LAMA2: variants seen among roughly 807,000 people sequenced by gnomAD.
LAMA2 encodes the protein laminin subunit alpha-2.
LAMA2 carries 269 observed loss-of-function variants against 364.8 expected under a neutral mutation model. That is an observed-to-expected ratio of 0.74 (90% CI 0.67 to 0.82). The LOEUF (loss-of-function observed/expected upper bound fraction) is 0.82. Ranked by LOEUF, LAMA2 falls within the 40% of genes least tolerant of loss-of-function variation. The pLI is 0.00. For synonymous variants in LAMA2, 1,379 were observed against 1,370.6 expected, an observed-to-expected ratio of 1.01 and a Z score of -0.14; for missense variants, 3,807 against 3,873.2, an observed-to-expected ratio of 0.98 and a Z score of 0.45.
intron 4 of LAMA2, among the ~76,000 whole-genome samples, chr6:129,113,718 G>A (rs887665614): frequency 2.0e-5 from 3 of 151,948 alleles, no homozygotes; most frequent in Admixed American, 2.0e-4. Flanking sequence ...AAAATGAGAA[G>A]GAATAGTGTC....
At chr6:129,064,335 A>G (rs567798443) in intron 3 of LAMA2, among the ~76,000 whole-genome samples, 1 of 149,098 alleles carries the variant, frequency 6.7e-6, no homozygotes, top group Admixed American at 6.8e-5. Flanking sequence ...ATCTAAAATT[A>G]ACAACCTAAG....
chr6:129,453,412 A>T lies in LAMA2; in HGVS notation c.6573+281A>T, dbSNP rs1782787597. Among the ~76,000 whole-genome samples the T allele has an allele frequency of 2.0e-5, 3 of 152,214 alleles. 1 individual carries two copies. Among genetic ancestry groups the T allele is most frequent in the Admixed American group, 6.5e-5 (1 of 15,286 alleles). ...TTATACTTTCAGATCCAGTGATTTA[A>T]GAATGCTAATGAGAATAAAGCTATT... is the stretch of plus-strand genomic sequence containing the variant. On this transcript the variant is annotated intron_variant, in intron 46 of 64. Transcript: ENST00000421865.
At chr6:129,059,703 T>C (rs1788754273) in intron 2 of LAMA2, 81 bp from the exon 3 acceptor site, 2 of 858,958 alleles carry the variant, frequency 2.3e-6, no homozygotes, top group East Asian at 5.2e-5. Context: ...TTAACCATTT[T>C]TTTTTACTTT....
At position 129,349,348 on chromosome 6, in the gene LAMA2, C is replaced by T. The variant is rs147077184; in HGVS notation, c.4487C>T (p.Ala1496Val). The T allele has an allele frequency of 3.7e-3, 5,934 of 1,613,554 alleles. 32 individuals are homozygous for T. The highest frequency in any genetic ancestry group is 3.7e-3 in the Non-Finnish European group (4,423 of 1,179,596). Reference sequence around the variant, plus strand: ...GGACTTGACGACTACCGCTGCACGGCTTGTCCACGGGGATATGAAGGCCAG... The same window carrying T: ...GGACTTGACGACTACCGCTGCACGGTTTGTCCACGGGGATATGAAGGCCAG... Reference protein sequence around the residue: ...AEGLDDYRCTACPRGYEGQYC... With the variant: ...AEGLDDYRCTVCPRGYEGQYC... Residue 1496 changes from alanine (A) to valine (V), a missense_variant, in exon 31 of 65, where the codon GCT becomes GTT. Coordinates refer to ENST00000421865, the MANE Select transcript of LAMA2 (RefSeq NM_000426.4).
At chr6:129,299,144 G>GA (rs980603271) in intron 21 of LAMA2, among the ~76,000 whole-genome samples, 43 of 146,906 alleles carry the variant, frequency 2.9e-4, no homozygotes, top group African/African-American at 4.3e-4. Flanking sequence ...AAACACCATA[G>GA]AAAAAAAAAA....
intron 3 of LAMA2, among the ~76,000 whole-genome samples, chr6:129,062,308 C>G (rs1334832437): frequency 6.6e-6 from 1 of 152,080 alleles, no homozygotes; most frequent in Non-Finnish European, 1.5e-5. Context: ...AGTGACTTGG[C>G]CTTCTTTCTA....
chr6:129,052,410 A>C (rs1452311588), intron 2 of LAMA2, among the ~76,000 whole-genome samples: 1 of 151,432 alleles, frequency 6.6e-6, no homozygotes, highest in East Asian at 1.9e-4. Context: ...GGCCTCCCAA[A>C]GTGCTGGGAT....
At position 129,349,360 on chromosome 6, in the gene LAMA2, G is replaced by A. The variant is rs1009369314; in HGVS notation, c.4499G>A (p.Gly1500Glu). ...DDYRCTACPR[G>E]YEGQYCERCA... ...TACCGCTGCACGGCTTGTCCACGGG[G>A]ATATGAAGGCCAGTACTGTGAAAGG... Residue 1500 changes from glycine to glutamate, a missense_variant, in exon 31 of 65, where the codon GGA becomes GAA. By Grantham distance (98) the Gly-to-Glu change is moderately conservative. This residue lies in a region of LAMA2 where 3,333 missense variants were observed against 3,345.7 expected (regional missense o/e 1.00). Coordinates refer to ENST00000421865, the MANE Select transcript of LAMA2 (RefSeq NM_000426.4). 2 of 1,613,478 alleles carry A rather than the reference G, an allele frequency of 1.2e-6. No individual in the cohort carries two copies. Among genetic ancestry groups the A allele is most frequent in the African/African-American group, 1.3e-5 (1 of 75,002 alleles).
chr6:129,033,127 G>T (rs551884025), intron 1 of LAMA2, among the ~76,000 whole-genome samples: 300 of 152,046 alleles, frequency 2.0e-3, no homozygotes, highest in African/African-American at 6.9e-3. Flanking sequence ...GTGTGTAAAT[G>T]GGTTGGAAGT....
intron 34 of LAMA2, among the ~76,000 whole-genome samples, chr6:129,371,981 T>C (rs1177224202): frequency 6.6e-6 from 1 of 152,208 alleles, no homozygotes; most frequent in Non-Finnish European, 1.5e-5. Context: ...TCCAGCAGAT[T>C]GTCTCATGCT....
At chr6:129,026,098 C>T (rs567954031) in intron 1 of LAMA2, among the ~76,000 whole-genome samples, 1 of 152,080 alleles carries the variant, frequency 6.6e-6, no homozygotes, top group African/African-American at 2.4e-5. Flanking sequence ...TCTCCCTAGA[C>T]ATAGACTATT....
At chr6:128,999,779 A>G (rs1784207627) in intron 1 of LAMA2, among the ~76,000 whole-genome samples, 1 of 6,620 alleles carries the variant, frequency 1.5e-4, no homozygotes, top group Non-Finnish European at 1.9e-4. Context: ...TGATTGGTGT[A>G]CCTGAAAGTG....
chr6:129,289,183 T>C (rs1415687617), intron 19 of LAMA2, among the ~76,000 whole-genome samples: 1 of 152,210 alleles, frequency 6.6e-6, no homozygotes, highest in Non-Finnish European at 1.5e-5. Flanking sequence ...AAATTGATCT[T>C]TTTTTAAAGC....
chr6:129,189,344 G>C (rs1781404951), intron 10 of LAMA2, among the ~76,000 whole-genome samples: 1 of 152,030 alleles, frequency 6.6e-6, no homozygotes, highest in African/African-American at 2.4e-5. Flanking sequence ...CTGGAAAGCA[G>C]GATGCCTTCC....
intron 12 of LAMA2, among the ~76,000 whole-genome samples, chr6:129,196,051 TATTAA>T (rs1264462328): frequency 6.4e-4 from 98 of 152,344 alleles, no homozygotes; most frequent in Admixed American, 5.9e-4. Context: ...CTCTGAATAT[TATTAA>T]ATTAATCTTA....
intron 62 of LAMA2, among the ~76,000 whole-genome samples, chr6:129,507,854 T>G (rs536617495): frequency 1.3e-5 from 2 of 152,174 alleles, no homozygotes; most frequent in Non-Finnish European, 2.9e-5. Flanking sequence ...AAGTAAAAGG[T>G]CTATTTAGAG....
chr6:129,482,689 C>A (rs1784404617), intron 55 of LAMA2, among the ~76,000 whole-genome samples: 1 of 152,090 alleles, frequency 6.6e-6, no homozygotes, highest in Admixed American at 6.5e-5. Context: ...ACAAAATATT[C>A]ACAAAGAGAA....
chr6:128,940,636 T>C (rs1334246002), intron 1 of LAMA2, among the ~76,000 whole-genome samples: 2 of 152,186 alleles, frequency 1.3e-5, no homozygotes, highest in East Asian at 1.9e-4. Flanking sequence ...TCCTGAAATA[T>C]GACCTGAAAG....
chr6:129,144,924 G>A (rs550380351), intron 5 of LAMA2, among the ~76,000 whole-genome samples: 8 of 151,990 alleles, frequency 5.3e-5, no homozygotes, highest in Admixed American at 3.9e-4. Context: ...AGTGATAACC[G>A]TGCTTCCTCC....
Sources: allele counts gnomAD v4.1 joint callset (sites outside exome capture counted in the v4.1 genomes callset), GRCh38; gene constraint gnomAD v4.1.1; regional missense constraint gnomAD v4.1.1; transcripts MANE v1.5; gene names NCBI Gene and HGNC (gene_info 2026-07-23, HGNC 2026-07-21).